Variants in ASTN2 observed in about 807,000 individuals in gnomAD.
ASTN2 encodes astrotactin 2, also known as astrotactin-2.
Under a neutral mutation model 139.8 loss-of-function variants are expected in ASTN2, and 54 were observed. That is an observed-to-expected ratio of 0.39 (90% CI 0.31 to 0.48). The LOEUF (loss-of-function observed/expected upper bound fraction) is 0.48, where lower values mean the gene tolerates loss of function less well. Ranked by LOEUF, ASTN2 falls within the 20% of genes least tolerant of loss-of-function variation. The pLI is 0.95. For synonymous variants in ASTN2, 756 were observed against 719.5 expected, an observed-to-expected ratio of 1.05 and a Z score of -0.81; for missense variants, 1,565 against 1,725.1, an observed-to-expected ratio of 0.91 and a Z score of 1.64.
At chr9:116,817,290 T>C (rs952440042) in intron 12 of ASTN2, among the ~76,000 whole-genome samples, 11 of 141,252 alleles carry the variant, frequency 7.8e-5, no homozygotes, top group African/African-American at 2.7e-4. Flanking sequence ...CGAGACTCCA[T>C]CTCAAAAAAA....
chr9:116,560,972 T>A (rs532643110), intron 19 of ASTN2, among the ~76,000 whole-genome samples: 11 of 152,300 alleles, frequency 7.2e-5, no homozygotes, highest in African/African-American at 2.6e-4. Context: ...GTACATGTGT[T>A]GTTATGCTAG....
At chr9:116,970,954 T>C (rs986645636) in intron 10 of ASTN2, among the ~76,000 whole-genome samples, 1 of 152,172 alleles carries the variant, frequency 6.6e-6, no homozygotes, top group Non-Finnish European at 1.5e-5. Context: ...CAGTATGCAG[T>C]AATAAGTGTT....
chr9:117,284,779 T>C (rs535317974), intron 2 of ASTN2, among the ~76,000 whole-genome samples: 1 of 152,328 alleles, frequency 6.6e-6, no homozygotes, highest in South Asian at 2.1e-4. Context: ...CTCTGATGAT[T>C]CTCACAACAG....
chr9:116,660,029 A>G (rs533928764), intron 16 of ASTN2, among the ~76,000 whole-genome samples: 1 of 152,316 alleles, frequency 6.6e-6, no homozygotes, highest in African/African-American at 2.4e-5. Flanking sequence ...GGGTCATACT[A>G]CAATTAAACA....
At chr9:116,527,536 G>A (rs996430517) in intron 19 of ASTN2, among the ~76,000 whole-genome samples, 2 of 152,194 alleles carry the variant, frequency 1.3e-5, no homozygotes, top group Admixed American at 1.3e-4. Flanking sequence ...TGTTGGCAAA[G>A]GTGTGGAGAA....
At chr9:116,439,147 G>A (rs1588058608) in intron 22 of ASTN2, among the ~76,000 whole-genome samples, 2 of 144,098 alleles carry the variant, frequency 1.4e-5, no homozygotes, top group East Asian at 2.1e-4. Flanking sequence ...GGTAGATGAT[G>A]TTGGTTTTCC....
intron 19 of ASTN2, among the ~76,000 whole-genome samples, chr9:116,580,087 T>C (rs144805050): frequency 0.066 from 10,072 of 152,288 alleles, 475 homozygotes; most frequent in East Asian, 0.11. Flanking sequence ...CCCAAAGTGC[T>C]GGGATTACAG....
chr9:116,555,066 G>A (rs1447059220), intron 19 of ASTN2, among the ~76,000 whole-genome samples: 2 of 152,138 alleles, frequency 1.3e-5, no homozygotes, highest in African/African-American at 4.8e-5. Context: ...GACAGCTTCT[G>A]GGAAAATTAG....
intron 7 of ASTN2, among the ~76,000 whole-genome samples, chr9:116,979,954 A>G (rs1312840626): frequency 2.0e-5 from 3 of 152,318 alleles, no homozygotes; most frequent in African/African-American, 7.2e-5. Context: ...TTACCAGGCA[A>G]GTTTTCCCTG....
intron 13 of ASTN2, among the ~76,000 whole-genome samples, chr9:116,765,918 A>G (rs1426359463): frequency 6.6e-6 from 1 of 152,194 alleles, no homozygotes; most frequent in South Asian, 2.1e-4. Flanking sequence ...TGGATTTTCT[A>G]CAGAAACATA....
At position 116,698,677 on chromosome 9, in the gene ASTN2, C is replaced by T; in HGVS notation, c.2806+27094G>A. On this transcript the variant is annotated intron_variant, in intron 16 of 22. Transcript: ENST00000313400. The surrounding 1 kb of genome is among the most constrained non-coding windows in gnomAD (Gnocchi z 4.4). ...GAAGATTCCTGGGCCATGGAGGCCA[C>T]AGCGTCTGCTGCCTCTACCTCTGTT... 1 of 1,614,168 alleles carries T rather than the reference C, an allele frequency of 6.2e-7. No homozygotes were observed. Among genetic ancestry groups the T allele is most frequent in the Non-Finnish European group, 8.5e-7 (1 of 1,180,038 alleles).
chr9:116,566,308 T>C (rs1853230690), intron 19 of ASTN2, among the ~76,000 whole-genome samples: 1 of 152,178 alleles, frequency 6.6e-6, no homozygotes, highest in Non-Finnish European at 1.5e-5. Flanking sequence ...GAATTCCCAT[T>C]TCACCCAATA....
intron 1 of ASTN2, among the ~76,000 whole-genome samples, chr9:117,361,664 TG>T (rs1564165985): frequency 6.6e-6 from 1 of 152,158 alleles, no homozygotes; most frequent in African/African-American, 2.4e-5. Context: ...GGCAGTTCCC[TG>T]GACCCTAAAA....
At chr9:116,947,538 T>A (rs754905934) in intron 10 of ASTN2, among the ~76,000 whole-genome samples, 2 of 152,226 alleles carry the variant, frequency 1.3e-5, no homozygotes, top group African/African-American at 4.8e-5. Flanking sequence ...GTTACATGCA[T>A]CTTTTTCTTA....
intron 3 of ASTN2, among the ~76,000 whole-genome samples, chr9:117,144,882 T>C (rs1377001083): frequency 6.6e-6 from 1 of 151,586 alleles, no homozygotes; most frequent in Non-Finnish European, 1.5e-5. Flanking sequence ...GGGGTTTCAT[T>C]ATGTTGGCCA....
intron 1 of ASTN2, among the ~76,000 whole-genome samples, chr9:117,338,948 C>A (rs1183170477): frequency 2.0e-5 from 3 of 152,068 alleles, no homozygotes; most frequent in African/African-American, 7.2e-5. Context: ...CTCTCATCAA[C>A]CACATGAGTT....
At chr9:117,350,772 T>A (rs1436393209) in intron 1 of ASTN2, among the ~76,000 whole-genome samples, 1 of 152,054 alleles carries the variant, frequency 6.6e-6, no homozygotes, top group African/African-American at 2.4e-5. Flanking sequence ...GCTAAGAATG[T>A]TAGCAAGTTA....
chr9:116,669,228 C>G (rs1006763581), intron 16 of ASTN2, among the ~76,000 whole-genome samples: 2 of 152,174 alleles, frequency 1.3e-5, no homozygotes, highest in Non-Finnish European at 2.9e-5. Flanking sequence ...GGAATTTCTG[C>G]ATAAATCACC....
intron 17 of ASTN2, among the ~76,000 whole-genome samples, chr9:116,648,549 A>G (rs1453456474): frequency 6.6e-6 from 1 of 152,110 alleles, no homozygotes. Context: ...ACATACACAT[A>G]TGTATTTTAT....
Sources: allele counts gnomAD v4.1 joint callset (sites outside exome capture counted in the v4.1 genomes callset), GRCh38; gene constraint gnomAD v4.1.1; non-coding constraint Gnocchi (gnomAD v3.1); transcripts MANE v1.5; gene names NCBI Gene and HGNC (gene_info 2026-07-23, HGNC 2026-07-21).